Variants in SERPINA12 observed in about 807,000 individuals in gnomAD.
SERPINA12 encodes the protein serpin A12.
Under a neutral mutation model 25.9 loss-of-function variants are expected in SERPINA12, and 21 were observed. The observed-to-expected ratio is 0.81, with a 90% CI of 0.58 to 1.17. The LOEUF is 1.17. SERPINA12 is among the 50% of genes most tolerant of loss of function. SERPINA12 has a pLI of 0.00. For missense variants in SERPINA12, 562 were observed against 508.3 expected (o/e 1.11, Z -1.02); for synonymous variants, 220 against 196.0 (o/e 1.12, Z -1.02).
intron 1 of SERPINA12, among the ~76,000 whole-genome samples, chr14:94,504,845 T>G (rs1900876885): frequency 6.6e-6 from 1 of 152,204 alleles, no homozygotes; most frequent in Non-Finnish European, 1.5e-5. Context: ...TTTTCTATAT[T>G]TTCCAAATTG....
intron 1 of SERPINA12, among the ~76,000 whole-genome samples, chr14:94,501,767 G>T (rs375009885): frequency 1.4e-5 from 2 of 146,940 alleles, no homozygotes; most frequent in East Asian, 4.2e-4. Context: ...AGTCTCCACC[G>T]GGCCTCCTGC....
intron 2 of SERPINA12, 62 bp downstream of exon 2, chr14:94,497,702 G>C: frequency 6.6e-7 from 1 of 1,505,464 alleles, no homozygotes; most frequent in Non-Finnish European, 8.9e-7. Flanking sequence ...GCCAACCCAG[G>C]TTTTTAACCC....
At chr14:94,506,399 A>C (rs191345772) in intron 1 of SERPINA12, among the ~76,000 whole-genome samples, 1 of 152,290 alleles carries the variant, frequency 6.6e-6, no homozygotes, top group African/African-American at 2.4e-5. Context: ...GCCAAGGTAG[A>C]GGTAACTCTG....
chr14:94,488,434 G>T (rs944427092), intron 4 of SERPINA12, among the ~76,000 whole-genome samples: 6 of 151,314 alleles, frequency 4.0e-5, no homozygotes, highest in Admixed American at 2.6e-4. Flanking sequence ...ACCCATCCCC[G>T]CACCCATCTC....
intron 3 of SERPINA12, among the ~76,000 whole-genome samples, chr14:94,493,760 C>T (rs770801720): frequency 2.2e-4 from 33 of 152,316 alleles, no homozygotes; most frequent in Non-Finnish European, 4.1e-4. Flanking sequence ...TTCTGTTATT[C>T]CCAAACCTCC....
intron 2 of SERPINA12, among the ~76,000 whole-genome samples, chr14:94,515,524 A>G (rs1458900580): frequency 6.6e-6 from 1 of 152,130 alleles, no homozygotes; most frequent in African/African-American, 2.4e-5. Context: ...ATGTTCCCAT[A>G]TCCCAGGGTC....
chr14:94,493,104 G>GT (rs1224274725), intron 3 of SERPINA12, among the ~76,000 whole-genome samples: 2 of 152,230 alleles, frequency 1.3e-5, no homozygotes, highest in Non-Finnish European at 2.9e-5. Context: ...ACTGCAGAAA[G>GT]AATGCATAGG....
upstream of SERPINA12, chr14:94,511,509 C>T (rs1901109478): frequency 3.6e-5 from 35 of 985,406 alleles, no homozygotes; most frequent in Middle Eastern, 1.0e-3. Flanking sequence ...CATAAGGCTG[C>T]GGCTGTTAAA....
At chr14:94,490,416 GCTCTC>G (rs1368597442) in intron 3 of SERPINA12, among the ~76,000 whole-genome samples, 1 of 151,924 alleles carries the variant, frequency 6.6e-6, no homozygotes, top group Non-Finnish European at 1.5e-5. Flanking sequence ...TGGGGCCCAG[GCTCTC>G]CTGAGGTACC....
chr14:94,512,660 T>C (rs11160187), upstream of SERPINA12, among the ~76,000 whole-genome samples: 73,454 of 151,852 alleles, frequency 0.48, 19,444 homozygotes, highest in African/African-American at 0.72. Context: ...AATTCTTGCC[T>C]CTCAAATGAA....
chr14:94,488,556 T>A (rs547133833), intron 4 of SERPINA12, among the ~76,000 whole-genome samples: 8 of 152,312 alleles, frequency 5.3e-5, no homozygotes, highest in Admixed American at 5.2e-4. Flanking sequence ...ACAATGAATA[T>A]GTTTTAGTGT....
At chr14:94,511,990 C>T (rs866299238), upstream of SERPINA12, among the ~76,000 whole-genome samples, 2 of 152,056 alleles carry the variant, frequency 1.3e-5, no homozygotes, top group Admixed American at 6.6e-5. Flanking sequence ...CCCAGCTACT[C>T]GGGAGGCTGA....
At position 94,498,491 on chromosome 14, in the gene SERPINA12, G is replaced by A; in HGVS notation, c.-33-61C>T. ...ATTGCCTACATGTTACCCAGAGGAA[G>A]ACCAGATGAAAGAAGAAATACAGTG... On this transcript the variant is annotated intron_variant, in intron 1 of 4. Transcript: ENST00000677451. 7 of 1,354,312 alleles carry A rather than the reference G, an allele frequency of 5.2e-6. No homozygotes were observed. In the South Asian group the frequency reaches 8.3e-5, roughly 16 times the overall value. 83.9% of individuals were successfully genotyped at this position (1,354,312 alleles called of 1,614,324 possible).
intron 1 of SERPINA12, among the ~76,000 whole-genome samples, chr14:94,499,817 C>T (rs1418898612): frequency 2.0e-5 from 3 of 152,204 alleles, no homozygotes; most frequent in African/African-American, 4.8e-5. Context: ...TGGGAGGGCT[C>T]TCCAGGCTGG....
chr14:94,488,726 C>T (rs910104794), intron 4 of SERPINA12, among the ~76,000 whole-genome samples: 2 of 152,220 alleles, frequency 1.3e-5, no homozygotes, highest in African/African-American at 4.8e-5. Flanking sequence ...GTCAGGTGCT[C>T]ACCTTTGCCA....
At chr14:94,496,711 C>G (rs1393270945) in intron 2 of SERPINA12, 68 bp from the exon 3 acceptor site, 13 of 1,315,704 alleles carry the variant, frequency 9.9e-6, no homozygotes, top group Non-Finnish European at 1.4e-5. Context: ...TCCAACTAAC[C>G]AGTAGTCTCT....
At chr14:94,499,681 A>G (rs533634344) in intron 1 of SERPINA12, among the ~76,000 whole-genome samples, 1 of 152,206 alleles carries the variant, frequency 6.6e-6, no homozygotes, top group Non-Finnish European at 1.5e-5. Flanking sequence ...TAGAAGCAGA[A>G]CCTGAGATGG....
intron 1 of SERPINA12, among the ~76,000 whole-genome samples, chr14:94,504,899 C>T (rs1900878683): frequency 6.6e-6 from 1 of 152,002 alleles, no homozygotes. Flanking sequence ...TTTTCAAAGG[C>T]TTAAAATAAA....
intron 1 of SERPINA12, among the ~76,000 whole-genome samples, chr14:94,502,960 A>T (rs1175724627): frequency 1.3e-5 from 2 of 152,144 alleles, no homozygotes; most frequent in African/African-American, 2.4e-5. Context: ...TGGAATGTGC[A>T]GCACTTGGGT....
Sources: allele counts gnomAD v4.1 joint callset (sites outside exome capture counted in the v4.1 genomes callset), GRCh38; gene constraint gnomAD v4.1.1; transcripts MANE v1.5; gene names NCBI Gene and HGNC (gene_info 2026-07-23, HGNC 2026-07-21).